The following PTP4A1 variants were observed in gnomAD, a reference collection of about 807,000 sequenced individuals.
PTP4A1 encodes protein tyrosine phosphatase 4A1.
In PTP4A1, 9 loss-of-function variants were observed where a neutral mutation model predicts 20.5. The ratio of observed to expected loss-of-function variants is 0.44; its 90% CI spans 0.26 to 0.77. The LOEUF (loss-of-function observed/expected upper bound fraction) is 0.77. PTP4A1 is among the 30% of genes least tolerant of loss of function. The pLI, the probability that PTP4A1 is intolerant of heterozygous loss-of-function variation, is 0.19. For missense variants in PTP4A1, 137 were observed against 218.8 expected (o/e 0.63, Z 2.36); for synonymous variants, 78 against 67.4 (o/e 1.16, Z -0.77).
At chr6:63,575,283 A>G (rs749431932) in intron 1 of PTP4A1, among the ~76,000 whole-genome samples, 5 of 152,224 alleles carry the variant, frequency 3.3e-5, no homozygotes, top group Admixed American at 6.5e-5. Flanking sequence ...TGCTTGAGGC[A>G]GTGACTATGA....
chr6:63,540,682 A>G (rs1775924392), intron 2 of PTP4A1, among the ~76,000 whole-genome samples: 2 of 152,130 alleles, frequency 1.3e-5, no homozygotes, highest in Admixed American at 1.3e-4. Flanking sequence ...GATTTCTATC[A>G]CAATACCATT....
chr6:63,520,312 AG>A (rs1299188060), upstream of PTP4A1, among the ~76,000 whole-genome samples: 12 of 152,322 alleles, frequency 7.9e-5, no homozygotes, highest in African/African-American at 2.9e-4. Context: ...GCTAATGAAT[AG>A]GAAAAATAGT....
intron 2 of PTP4A1, among the ~76,000 whole-genome samples, chr6:63,534,564 C>T (rs1775620503): frequency 6.6e-6 from 1 of 152,040 alleles, no homozygotes; most frequent in Non-Finnish European, 1.5e-5. Flanking sequence ...TCTATAATCG[C>T]AGCTATGCAG....
intron 3 of PTP4A1, among the ~76,000 whole-genome samples, chr6:63,554,957 T>C (rs1230394954): frequency 6.6e-6 from 1 of 152,214 alleles, no homozygotes; most frequent in Non-Finnish European, 1.5e-5. Context: ...CAATTGTGTT[T>C]TTAGCAGCAA....
intron 2 of PTP4A1, among the ~76,000 whole-genome samples, chr6:63,577,423 C>CT (rs1275453395): frequency 1.3e-5 from 2 of 152,208 alleles, no homozygotes; most frequent in African/African-American, 4.8e-5. Flanking sequence ...AGCCAAAACT[C>CT]TACCTGCCTC....
intron 1 of PTP4A1, among the ~76,000 whole-genome samples, chr6:63,523,277 C>T (rs1460013482): frequency 6.6e-6 from 1 of 152,006 alleles, no homozygotes; most frequent in Non-Finnish European, 1.5e-5. Context: ...AGGCATTATA[C>T]ACAATATGAT....
At chr6:63,559,409 G>T (rs942224146) in intron 3 of PTP4A1, among the ~76,000 whole-genome samples, 17 of 151,994 alleles carry the variant, frequency 1.1e-4, no homozygotes, top group African/African-American at 2.9e-4. Flanking sequence ...CTAAATAAAA[G>T]AAAAATGGCT....
chr6:63,578,412 T>G (rs908442915), intron 2 of PTP4A1, 25 bp from the exon 3 acceptor site: 9 of 1,595,198 alleles, frequency 5.6e-6, no homozygotes, highest in Non-Finnish European at 6.8e-6. Flanking sequence ...AACATTAAGA[T>G]TTTTTTAATG....
upstream of PTP4A1, among the ~76,000 whole-genome samples, chr6:63,518,137 C>T (rs1410302209): frequency 2.3e-5 from 3 of 131,906 alleles, no homozygotes; most frequent in Non-Finnish European, 4.6e-5. Context: ...CTGGGCAACA[C>T]AGTGAGACTC....
At chr6:63,529,129 ATGTG>A (rs372982261) in intron 2 of PTP4A1, among the ~76,000 whole-genome samples, 2 of 136,228 alleles carry the variant, frequency 1.5e-5, no homozygotes, top group Non-Finnish European at 3.1e-5. Flanking sequence ...ATGTATATAT[ATGTG>A]TGTGTATATA....
At chr6:63,523,191 A>T (rs1775010342) in intron 1 of PTP4A1, among the ~76,000 whole-genome samples, 1 of 151,802 alleles carries the variant, frequency 6.6e-6, no homozygotes, top group Non-Finnish European at 1.5e-5. Context: ...TTTTTTTTAC[A>T]TCACTCTTAC....
intron 3 of PTP4A1, among the ~76,000 whole-genome samples, chr6:63,554,526 G>A (rs753779334): frequency 9.9e-5 from 15 of 152,118 alleles, no homozygotes; most frequent in Admixed American, 1.3e-4. Flanking sequence ...GGCCGGGCAC[G>A]GTGGCTCACA....
upstream of PTP4A1, among the ~76,000 whole-genome samples, chr6:63,518,221 G>A (rs1248202436): frequency 6.6e-6 from 1 of 150,532 alleles, no homozygotes; most frequent in Non-Finnish European, 1.5e-5. Context: ...AAATATTTGT[G>A]CCACCTTTTC....
chr6:63,547,899 C>T (rs927870380), intron 2 of PTP4A1, among the ~76,000 whole-genome samples: 2 of 152,140 alleles, frequency 1.3e-5, no homozygotes, highest in South Asian at 2.1e-4. Context: ...TATTTAAAAA[C>T]CACAAATTTG....
rs1778209108 is a variant in PTP4A1, at chr6:63,581,282, T to A, written c.*1108T>A. On this transcript the variant is annotated 3_prime_UTR_variant, in exon 6 of 6. Coordinates refer to ENST00000626021, the MANE Select transcript of PTP4A1 (RefSeq NM_003463.5). ...ATACTTGACAATTTGTTTTATTATG[T>A]AATTGATAAAATGGTGATGTGTATT... The A allele has an allele frequency of 6.6e-6, 1 of 152,614 alleles. No individual in the cohort carries two copies. Among genetic ancestry groups the A allele is most frequent in the Non-Finnish European group, 1.5e-5 (1 of 68,008 alleles). The allele number at this position is 152,614 out of a possible 1,614,324, so 9.5% of individuals were successfully genotyped here. A position where few individuals can be genotyped will look rare whatever the true frequency, so the allele number is the denominator to read the frequency against.
At chr6:63,561,875 G>A (rs756052428) in intron 3 of PTP4A1, among the ~76,000 whole-genome samples, 5 of 152,168 alleles carry the variant, frequency 3.3e-5, no homozygotes, top group Non-Finnish European at 5.9e-5. Flanking sequence ...CTGCTGTCAG[G>A]TTAGGATAAC....
chr6:63,578,013 G>A (rs1319270143), intron 2 of PTP4A1, among the ~76,000 whole-genome samples: 2 of 151,832 alleles, frequency 1.3e-5, no homozygotes, highest in Non-Finnish European at 2.9e-5. Context: ...AGTTTAAGGA[G>A]TGAGTATAAT....
At chr6:63,542,022 GGTGTGT>G (rs72091849) in intron 2 of PTP4A1, among the ~76,000 whole-genome samples, 11,686 of 146,778 alleles carry the variant, frequency 0.08, 471 homozygotes, top group Non-Finnish European at 0.1. Flanking sequence ...AAGAAACTGT[GGTGTGT>G]GTGTGTGTGT....
intron 2 of PTP4A1, among the ~76,000 whole-genome samples, chr6:63,547,536 T>C (rs1338904325): frequency 1.5e-5 from 2 of 131,412 alleles, no homozygotes; most frequent in Non-Finnish European, 3.2e-5. Context: ...GATGGAGTCT[T>C]GCTCTGTCGC....
Sources: gnomAD v4.1 joint callset for allele counts (sites outside exome capture counted in the v4.1 genomes callset) on GRCh38, gnomAD v4.1.1 for gene constraint, MANE v1.5 for transcripts, NCBI Gene and HGNC (gene_info 2026-07-23, HGNC 2026-07-21) for gene names.